DLG2: variants seen among roughly 807,000 people sequenced by gnomAD.
DLG2 encodes disks large homolog 2.
DLG2 carries 45 observed loss-of-function variants against 132.5 expected under a neutral mutation model. The observed-to-expected ratio is 0.34, with a 90% CI of 0.27 to 0.44. The LOEUF (loss-of-function observed/expected upper bound fraction) is 0.44. Ranked by LOEUF, DLG2 falls within the 20% of genes least tolerant of loss-of-function variation. DLG2 has a pLI of 1.00. For missense variants in DLG2, 1,045 were observed against 1,196.9 expected (o/e 0.87, Z 1.87); for synonymous variants, 424 against 419.6 (o/e 1.01, Z -0.13).
chr11:84,444,726 T>A (rs1423400254), intron 7 of DLG2, among the ~76,000 whole-genome samples: 4 of 152,174 alleles, frequency 2.6e-5, no homozygotes. Flanking sequence ...ATCTAACTTT[T>A]CAAGTTAATT....
chr11:84,642,632 A>G (rs940404415), intron 6 of DLG2, among the ~76,000 whole-genome samples: 1 of 152,148 alleles, frequency 6.6e-6, no homozygotes, highest in African/African-American at 2.4e-5. Flanking sequence ...TCCACCATAA[A>G]TGAAGCAGAA....
At chr11:85,203,958 T>C (rs544323370) in intron 4 of DLG2, among the ~76,000 whole-genome samples, 4 of 152,052 alleles carry the variant, frequency 2.6e-5, no homozygotes, top group Non-Finnish European at 5.9e-5. Flanking sequence ...CAATTGATGC[T>C]GGAAAAACAT....
intron 6 of DLG2, among the ~76,000 whole-genome samples, chr11:84,593,047 A>C (rs1208115224): frequency 1.4e-5 from 2 of 146,588 alleles, no homozygotes; most frequent in African/African-American, 5.1e-5. Flanking sequence ...TGAACCCAGG[A>C]GATGGAGGTT....
intron 6 of DLG2, among the ~76,000 whole-genome samples, chr11:84,993,930 A>G (rs1592355980): frequency 6.6e-6 from 1 of 152,132 alleles, no homozygotes; most frequent in African/African-American, 2.4e-5. Context: ...TAGTGCCCCC[A>G]TGAAAGGAGC....
chr11:84,099,151 G>C (rs1026340373), intron 9 of DLG2, 104 bp from the exon 10 acceptor site: 1 of 1,058,570 alleles, frequency 9.4e-7, no homozygotes, highest in Non-Finnish European at 1.4e-6. Flanking sequence ...GAAATCAGGT[G>C]ACAACAGTCT....
At chr11:84,718,206 A>G (rs960343171) in intron 6 of DLG2, among the ~76,000 whole-genome samples, 7 of 152,120 alleles carry the variant, frequency 4.6e-5, no homozygotes, top group Non-Finnish European at 1.5e-5. Flanking sequence ...TCTTATTCAA[A>G]TACTTTGCAA....
chr11:84,949,473 G>C (rs2050650206), intron 6 of DLG2, among the ~76,000 whole-genome samples: 1 of 147,752 alleles, frequency 6.8e-6, no homozygotes, highest in African/African-American at 2.5e-5. Context: ...TGGGAGACTG[G>C]AGTTTATTTC....
Position 84,724,450 on chromosome 11 carries a change from G to T in DLG2, c.358-189719C>A, listed in dbSNP as rs11234145. 1.7e-3 allele frequency among the ~76,000 whole-genome samples: 260 copies of T among 152,266 alleles called. 1 individual carries two copies. Among genetic ancestry groups the T allele is most frequent in the African/African-American group, 5.8e-3 (239 of 41,548 alleles). On this transcript the variant is annotated intron_variant, in intron 6 of 27. Transcript: ENST00000376104. ...GAGCCAATCCTACTCATGACAGCTG[G>T]TTGTGTGTAACTCGGTCTAATTCCA...
chr11:84,822,511 G>T (rs932192889), intron 6 of DLG2, among the ~76,000 whole-genome samples: 2 of 151,852 alleles, frequency 1.3e-5, no homozygotes, highest in Non-Finnish European at 2.9e-5. Context: ...CGCCTCAAAA[G>T]TTGTTTATGA....
At chr11:85,241,470 A>C (rs1302222432) in intron 4 of DLG2, among the ~76,000 whole-genome samples, 1 of 151,934 alleles carries the variant, frequency 6.6e-6, no homozygotes, top group African/African-American at 2.4e-5. Context: ...TCAATTCTGA[A>C]TTTTAATTTT....
At chr11:85,276,679 AC>A (rs2077912074) in intron 4 of DLG2, among the ~76,000 whole-genome samples, 1 of 152,188 alleles carries the variant, frequency 6.6e-6, no homozygotes, top group African/African-American at 2.4e-5. Context: ...CACTGGGTCA[AC>A]CAGGAAATTT....
intron 16 of DLG2, among the ~76,000 whole-genome samples, chr11:83,840,374 A>G (rs909875787): frequency 1.8e-4 from 27 of 152,218 alleles, no homozygotes; most frequent in Non-Finnish European, 3.4e-4. Context: ...AAACTCCCAC[A>G]GTGATTAAGG....
chr11:83,778,633 C>T (rs2094684607), intron 18 of DLG2, among the ~76,000 whole-genome samples: 1 of 151,882 alleles, frequency 6.6e-6, no homozygotes, highest in African/African-American at 2.4e-5. Context: ...TGCACCATTC[C>T]CAGGATAGAT....
intron 21 of DLG2, among the ~76,000 whole-genome samples, chr11:83,526,468 A>C (rs2095612838): frequency 1.3e-5 from 2 of 152,124 alleles, no homozygotes; most frequent in African/African-American, 4.8e-5. Context: ...TGTTTAAGGT[A>C]GACATCGTGC....
chr11:84,248,030 G>A (rs1487878000), intron 8 of DLG2, among the ~76,000 whole-genome samples: 1 of 152,128 alleles, frequency 6.6e-6, no homozygotes, highest in Non-Finnish European at 1.5e-5. Context: ...CTGAAATTAT[G>A]TGAACAACTA....
intron 18 of DLG2, among the ~76,000 whole-genome samples, chr11:83,745,412 T>C (rs2092831033): frequency 6.6e-6 from 1 of 152,170 alleles, no homozygotes; most frequent in African/African-American, 2.4e-5. Context: ...CTTTCAAGAT[T>C]TTACTCTCTC....
At chr11:84,066,523 G>C (rs1001928531) in intron 10 of DLG2, among the ~76,000 whole-genome samples, 1 of 152,164 alleles carries the variant, frequency 6.6e-6, no homozygotes, top group Non-Finnish European at 1.5e-5. Flanking sequence ...ACTTCGGGAG[G>C]CTGAGACGGG....
chr11:83,746,169 C>T (rs1345353438), intron 18 of DLG2, among the ~76,000 whole-genome samples: 3 of 152,126 alleles, frequency 2.0e-5, no homozygotes, highest in Admixed American at 6.5e-5. Context: ...GACAGTGTGG[C>T]GATTCCCCAG....
chr11:85,544,642 CTTGA>C, intron 3 of DLG2, among the ~76,000 whole-genome samples: 1 of 152,194 alleles, frequency 6.6e-6, no homozygotes, highest in South Asian at 2.1e-4. Flanking sequence ...TGTTTTTCCA[CTTGA>C]TTGTGTCCTC....
Sources: gnomAD v4.1 joint callset for allele counts (sites outside exome capture counted in the v4.1 genomes callset) on GRCh38, gnomAD v4.1.1 for gene constraint, MANE v1.5 for transcripts, NCBI Gene and HGNC (gene_info 2026-07-23, HGNC 2026-07-21) for gene names.